CDH23: variants seen among roughly 807,000 people sequenced by gnomAD.
CDH23 encodes the protein cadherin-23.
In CDH23, 189 loss-of-function variants were observed where a neutral mutation model predicts 317.1. The ratio of observed to expected loss-of-function variants is 0.60; its 90% CI spans 0.53 to 0.67. The LOEUF is 0.67. Among genes scored for constraint, CDH23 ranks in the 30% least tolerant of loss-of-function variants. CDH23 has a pLI of 0.00. For synonymous variants in CDH23, 1,839 were observed against 1,876.8 expected (o/e 0.98, Z 0.52); for missense variants, 4,401 against 4,592.4 (o/e 0.96, Z 1.20).
At chr10:71,802,605 G>A (rs1260144249) in intron 53 of CDH23, among the ~76,000 whole-genome samples, 3 of 152,152 alleles carry the variant, frequency 2.0e-5, no homozygotes, top group African/African-American at 7.2e-5. Flanking sequence ...GGGATAAGGG[G>A]TTTCTGCTTC....
At chr10:71,705,517 TG>T (rs1214948123) in intron 25 of CDH23, among the ~76,000 whole-genome samples, 1 of 152,104 alleles carries the variant, frequency 6.6e-6, no homozygotes, top group Non-Finnish European at 1.5e-5. Context: ...AGTTTTTGTT[TG>T]GGAGACATAA....
intron 17 of CDH23, among the ~76,000 whole-genome samples, chr10:71,681,270 T>C (rs772802786): frequency 3.3e-5 from 5 of 152,120 alleles, no homozygotes; most frequent in African/African-American, 4.8e-5. Context: ...AAGTTGTAAT[T>C]TAATATTGTT....
chr10:71,730,956 G>A (rs1007100279), intron 31 of CDH23, among the ~76,000 whole-genome samples: 9 of 152,324 alleles, frequency 5.9e-5, no homozygotes, highest in East Asian at 3.9e-4. Context: ...AGCTGGCTGC[G>A]GCCTGGCCTG....
chr10:71,706,556 C>A (rs1437128953), intron 25 of CDH23, among the ~76,000 whole-genome samples: 1 of 152,248 alleles, frequency 6.6e-6, no homozygotes, highest in Non-Finnish European at 1.5e-5. Flanking sequence ...CTGTCGTCAT[C>A]GTTGTCATGA....
At chr10:71,734,712 G>A in intron 34 of CDH23, 54 bp downstream of exon 34, 1 of 1,235,968 alleles carries the variant, frequency 8.1e-7, no homozygotes, top group South Asian at 1.2e-5. Context: ...GGCCAGTGCT[G>A]GCCGGGCTCT....
At chr10:71,744,571 T>A (rs1839810927) in intron 38 of CDH23, among the ~76,000 whole-genome samples, 1 of 152,142 alleles carries the variant, frequency 6.6e-6, no homozygotes, top group South Asian at 2.1e-4. Flanking sequence ...CAGGGACCCA[T>A]CCCACCCCTT....
chr10:71,435,493 T>C (rs1386395625), intron 1 of CDH23, among the ~76,000 whole-genome samples: 1 of 152,218 alleles, frequency 6.6e-6, no homozygotes, highest in Non-Finnish European at 1.5e-5. Flanking sequence ...CTGAGGGCTT[T>C]GGGGACTGGC....
chr10:71,609,196 C>T (rs371438538), intron 9 of CDH23, among the ~76,000 whole-genome samples: 1 of 151,970 alleles, frequency 6.6e-6, no homozygotes, highest in South Asian at 2.1e-4. Flanking sequence ...TAAGCCTAAG[C>T]TCCCCCTGCC....
chr10:71,423,280 A>G (rs1011350632), intron 1 of CDH23, among the ~76,000 whole-genome samples: 3 of 152,172 alleles, frequency 2.0e-5, no homozygotes, highest in African/African-American at 7.2e-5. Flanking sequence ...GTAAAATCAG[A>G]GGAGACTCCA....
At chr10:71,631,175 T>C (rs1228469750) in intron 11 of CDH23, among the ~76,000 whole-genome samples, 2 of 152,052 alleles carry the variant, frequency 1.3e-5, no homozygotes, top group African/African-American at 4.8e-5. Context: ...GCCCGGAGAT[T>C]TAGGCTGCAG....
Position 71,446,329 on chromosome 10 carries a change from C to T in CDH23, c.79C>T (p.Arg27Trp), listed in dbSNP as rs370760723. ...CCTCTGACTTCCAGGCCAGGTGAAC[C>T]GGCTGCCCTTCTTCACCAACCACTT... is the stretch of plus-strand genomic sequence containing the variant. ...LISGCWGQVN[R>W]LPFFTNHFFD... is the part of the protein sequence containing the mutation. The change falls in exon 3 of 70, where the codon CGG (arginine) becomes TGG (tryptophan). Residue 27 changes from arginine (R) to tryptophan (W), a missense_variant. Arg to Trp is a moderately radical substitution (Grantham distance 101). Around this residue, in one of 3 missense-constraint regions of CDH23, gnomAD observed 3,068 missense variants for 3,203.3 expected, o/e 0.96. Transcript: ENST00000224721. The T allele has an allele frequency of 1.4e-5, 23 of 1,613,894 alleles. No individual in the cohort carries two copies. The highest frequency in any genetic ancestry group is 2.7e-5 in the African/African-American group (2 of 74,928).
At chr10:71,743,368 A>G (rs554831959) in intron 38 of CDH23, among the ~76,000 whole-genome samples, 1 of 152,208 alleles carries the variant, frequency 6.6e-6, no homozygotes, top group Non-Finnish European at 1.5e-5. Flanking sequence ...AGGTGGGGTC[A>G]CACCAGGTCT....
chr10:71,508,506 C>G (rs1853769610), intron 3 of CDH23, among the ~76,000 whole-genome samples: 1 of 152,174 alleles, frequency 6.6e-6, no homozygotes, highest in African/African-American at 2.4e-5. Context: ...GGAAATAGCT[C>G]AGCTTATGCC....
At chr10:71,774,044 C>CTT (rs1840757173) in intron 38 of CDH23, among the ~76,000 whole-genome samples, 2 of 49,390 alleles carry the variant, frequency 4.0e-5, no homozygotes, top group Non-Finnish European at 6.5e-5. Context: ...TGAGTGCATG[C>CTT]GCGCGCGCAC....
chr10:71,617,380 T>G lies in CDH23; in HGVS notation c.1121T>G (p.Val374Gly). ...GFALPLFIQV[V>G]DKDENLGLNS... ...GCCCTTCCACTCTTCATCCAGGTGG[T>G]GGACAAGGATGAGGTGAGTCCCTGG... Residue 374 changes from valine to glycine, a missense_variant, in exon 11 of 70, where the codon GTG (valine) becomes GGG (glycine). Around this residue, in one of 3 missense-constraint regions of CDH23, gnomAD observed 3,068 missense variants for 3,203.3 expected, o/e 0.96. Coordinates refer to ENST00000224721, the MANE Select transcript of CDH23 (RefSeq NM_022124.6). The G allele has an allele frequency of 1.2e-6, 2 of 1,613,536 alleles. No homozygotes were observed. Among genetic ancestry groups the G allele is most frequent in the Non-Finnish European group, 1.7e-6 (2 of 1,179,870 alleles).
intron 11 of CDH23, among the ~76,000 whole-genome samples, chr10:71,633,123 C>T (rs1311459783): frequency 6.6e-6 from 1 of 152,010 alleles, no homozygotes; most frequent in East Asian, 1.9e-4. Flanking sequence ...CCCATTAATC[C>T]ACTAATCCAT....
intron 3 of CDH23, among the ~76,000 whole-genome samples, chr10:71,496,256 C>T (rs1852959234): frequency 6.6e-6 from 1 of 152,212 alleles, no homozygotes; most frequent in Admixed American, 6.5e-5. Context: ...AGATGCATGG[C>T]CTCAAAGCCA....
intron 28 of CDH23, chr10:71,715,982 T>G: frequency 6.7e-7 from 1 of 1,491,744 alleles, no homozygotes; most frequent in Non-Finnish European, 8.9e-7. Context: ...GCGGTTGTCC[T>G]CGGGGCCCGG....
At chr10:71,491,219 A>C (rs1852639339) in intron 3 of CDH23, among the ~76,000 whole-genome samples, 1 of 152,156 alleles carries the variant, frequency 6.6e-6, no homozygotes, top group South Asian at 2.1e-4. Context: ...GGCTGGTGGC[A>C]TGATGGGGTT....
Sources: allele counts gnomAD v4.1 joint callset (sites outside exome capture counted in the v4.1 genomes callset), GRCh38; gene constraint gnomAD v4.1.1; regional missense constraint gnomAD v4.1.1; transcripts MANE v1.5; gene names NCBI Gene and HGNC (gene_info 2026-07-23, HGNC 2026-07-21).